CENPW: variants seen among roughly 807,000 people sequenced by gnomAD.
CENPW encodes centromere protein W.
CENPW carries 3 observed loss-of-function variants against 11.1 expected under a neutral mutation model. The observed-to-expected ratio is 0.27, with a 90% CI of 0.12 to 0.70. The LOEUF is 0.70. Among genes scored for constraint, CENPW ranks in the 30% least tolerant of loss-of-function variants. The probability of loss-of-function intolerance (pLI) is 0.77; values close to 1 mark genes in which losing one functional copy is unlikely to be tolerated. For missense variants in CENPW, 100 were observed against 105.6 expected (o/e 0.95, Z 0.23); for synonymous variants, 38 against 42.0 (o/e 0.91, Z 0.37).
chr6:126,458,096 G>T, the CENPW span, among the ~76,000 whole-genome samples: 2 of 151,192 alleles, frequency 1.3e-5, no homozygotes, highest in African/African-American at 4.8e-5. Flanking sequence ...TCTGGTCAAT[G>T]ATAATCATTT....
At chr6:126,409,542 A>G in the CENPW span, among the ~76,000 whole-genome samples, 4 of 152,058 alleles carry the variant, frequency 2.6e-5, no homozygotes, top group Admixed American at 1.3e-4. Flanking sequence ...AATGGAGAGT[A>G]TCTCTTCCTT....
chr6:126,384,996 G>A, the CENPW span, among the ~76,000 whole-genome samples: 2 of 151,966 alleles, frequency 1.3e-5, no homozygotes, highest in African/African-American at 2.4e-5. Context: ...TGGTGGAGAA[G>A]CATATGAAAA....
At chr6:126,451,940 A>C in the CENPW span, among the ~76,000 whole-genome samples, 1 of 150,828 alleles carries the variant, frequency 6.6e-6, no homozygotes, top group Middle Eastern at 3.2e-3. Flanking sequence ...TCTGATCCTA[A>C]TAACTATACG....
chr6:126,447,457 TTAAA>T, the CENPW span, among the ~76,000 whole-genome samples: 1 of 151,122 alleles, frequency 6.6e-6, no homozygotes, highest in South Asian at 2.1e-4. Context: ...AGAAGACTGA[TTAAA>T]TAGAGAATGG....
At chr6:126,411,420 A>C in the CENPW span, among the ~76,000 whole-genome samples, 1 of 152,176 alleles carries the variant, frequency 6.6e-6, no homozygotes, top group Non-Finnish European at 1.5e-5. Flanking sequence ...GGTCTGAATC[A>C]GTCTATAAAC....
At chr6:126,412,410 A>C in the CENPW span, among the ~76,000 whole-genome samples, 1 of 152,130 alleles carries the variant, frequency 6.6e-6, no homozygotes, top group Non-Finnish European at 1.5e-5. Flanking sequence ...ATCTGAAGAA[A>C]TGTAAGCTGT....
the CENPW span, among the ~76,000 whole-genome samples, chr6:126,456,996 C>G: frequency 6.6e-6 from 1 of 151,514 alleles, no homozygotes; most frequent in Non-Finnish European, 1.5e-5. Flanking sequence ...AAACGTGATA[C>G]CATCTCACAC....
chr6:126,364,214 A>T, the CENPW span, among the ~76,000 whole-genome samples: 2 of 152,180 alleles, frequency 1.3e-5, no homozygotes, highest in African/African-American at 4.8e-5. Flanking sequence ...TTGAGCACTC[A>T]GTTACATATT....
At chr6:126,359,745 CTTTT>C in the CENPW span, among the ~76,000 whole-genome samples, 2 of 149,124 alleles carry the variant, frequency 1.3e-5, no homozygotes, top group East Asian at 3.9e-4. Context: ...GCAACTCCTG[CTTTT>C]TTCTTTTCTT....
the CENPW span, among the ~76,000 whole-genome samples, chr6:126,446,149 T>C: frequency 5.4e-3 from 811 of 151,254 alleles, 9 homozygotes; most frequent in African/African-American, 0.018. Context: ...TAAAATATAG[T>C]TGGTTTTATA....
At chr6:126,383,178 C>A in the CENPW span, among the ~76,000 whole-genome samples, 1 of 152,134 alleles carries the variant, frequency 6.6e-6, no homozygotes, top group Non-Finnish European at 1.5e-5. Context: ...TCAAACTAAG[C>A]TTCATAAGTG....
chr6:126,406,051 T>G, the CENPW span, among the ~76,000 whole-genome samples: 3 of 152,234 alleles, frequency 2.0e-5, no homozygotes, highest in African/African-American at 7.2e-5. Context: ...AGGAAAAGCT[T>G]TTAACATTTT....
the CENPW span, among the ~76,000 whole-genome samples, chr6:126,449,489 T>C: frequency 2.6e-5 from 4 of 151,144 alleles, no homozygotes; most frequent in Admixed American, 6.6e-5. Flanking sequence ...CTCTTTAGTG[T>C]ATTGCTAACC....
chr6:126,343,799 C>T (rs1780356913), intron 1 of CENPW, among the ~76,000 whole-genome samples: 1 of 152,114 alleles, frequency 6.6e-6, no homozygotes, highest in South Asian at 2.1e-4. Flanking sequence ...TGGTGCCCAC[C>T]CAGATTGAGG....
the CENPW span, among the ~76,000 whole-genome samples, chr6:126,396,171 G>T: frequency 1.6e-3 from 245 of 152,220 alleles, no homozygotes; most frequent in African/African-American, 5.5e-3. Context: ...GCTGTCAGGA[G>T]CCAGGGACTA....
chr6:126,376,659 G>T, the CENPW span, among the ~76,000 whole-genome samples: 2 of 152,152 alleles, frequency 1.3e-5, no homozygotes, highest in Non-Finnish European at 2.9e-5. Flanking sequence ...ATGCACATTT[G>T]TTAGAATTTC....
the CENPW span, among the ~76,000 whole-genome samples, chr6:126,405,544 A>G: frequency 6.6e-6 from 1 of 152,014 alleles, no homozygotes; most frequent in Non-Finnish European, 1.5e-5. Context: ...ATGACAAGTG[A>G]CATTGATATT....
chr6:126,464,879 G>A, the CENPW span, among the ~76,000 whole-genome samples: 1 of 152,074 alleles, frequency 6.6e-6, no homozygotes, highest in Non-Finnish European at 1.5e-5. Context: ...GACTAACACA[G>A]GCACCTATGG....
At chr6:126,343,342 A>C (rs1780349578) in intron 1 of CENPW, among the ~76,000 whole-genome samples, 1 of 152,240 alleles carries the variant, frequency 6.6e-6, no homozygotes, top group Non-Finnish European at 1.5e-5. Context: ...GTTGCTTGAA[A>C]AAATTTTTGT....
Sources: gnomAD v4.1 joint callset for allele counts (sites outside exome capture counted in the v4.1 genomes callset) on GRCh38, gnomAD v4.1.1 for gene constraint, MANE v1.5 for transcripts, NCBI Gene and HGNC (gene_info 2026-07-23, HGNC 2026-07-21) for gene names.